The following SDK1 variants were observed in gnomAD, a reference collection of about 807,000 sequenced individuals.
The protein encoded by SDK1 is sidekick cell adhesion molecule 1, also known as protein sidekick-1.
Under a neutral mutation model 245.5 loss-of-function variants are expected in SDK1, and 157 were observed. The observed-to-expected ratio is 0.64, with a 90% confidence interval of 0.56 to 0.73. The LOEUF (loss-of-function observed/expected upper bound fraction) is 0.73, where lower values mean the gene tolerates loss of function less well. Among genes scored for constraint, SDK1 ranks in the 30% least tolerant of loss-of-function variants. SDK1 has a pLI of 0.00. For synonymous variants in SDK1, 1,647 were observed against 1,278.5 expected (o/e 1.29, Z -6.15); for missense variants, 3,583 against 3,002.3 (o/e 1.19, Z -4.52).
At chr7:4,038,999 T>C (rs1562710627) in intron 17 of SDK1, among the ~76,000 whole-genome samples, 2 of 152,206 alleles carry the variant, frequency 1.3e-5, no homozygotes, top group Non-Finnish European at 2.9e-5. Flanking sequence ...GCAACTTTTT[T>C]TACCACTCTA....
At chr7:3,754,662 T>A (rs755185816) in intron 4 of SDK1, among the ~76,000 whole-genome samples, 1 of 140,412 alleles carries the variant, frequency 7.1e-6, no homozygotes. Context: ...CAGCATGACG[T>A]GGTTTCTAAG....
intron 22 of SDK1, among the ~76,000 whole-genome samples, chr7:4,100,568 T>G (rs1782468342): frequency 6.6e-6 from 1 of 152,048 alleles, no homozygotes; most frequent in Non-Finnish European, 1.5e-5. Context: ...ACCAATGCGA[T>G]GAGTGCCCCT....
At chr7:3,413,109 T>C (rs2128578105) in intron 1 of SDK1, among the ~76,000 whole-genome samples, 1 of 152,258 alleles carries the variant, frequency 6.6e-6, no homozygotes. Flanking sequence ...GAAGGCCCCC[T>C]GAGGAAGTGA....
At chr7:4,234,880 A>G (rs999929229) in intron 41 of SDK1, among the ~76,000 whole-genome samples, 2 of 152,184 alleles carry the variant, frequency 1.3e-5, no homozygotes, top group South Asian at 4.1e-4. Flanking sequence ...GGGGCAGCAG[A>G]GCCTCAGCCA....
intron 31 of SDK1, 145 bp from the exon 32 acceptor site, chr7:4,161,641 G>A (rs939231022): frequency 9.0e-6 from 6 of 670,316 alleles, no homozygotes; most frequent in African/African-American, 3.6e-5. Flanking sequence ...GGGAAGCCCC[G>A]AGGAAGGGCA....
intron 4 of SDK1, among the ~76,000 whole-genome samples, chr7:3,815,724 T>C (rs1453185963): frequency 6.6e-6 from 1 of 151,996 alleles, no homozygotes; most frequent in Non-Finnish European, 1.5e-5. Flanking sequence ...GGAATTGAAC[T>C]CAGCTGTGCA....
chr7:3,718,173 C>T (rs1181007494), intron 4 of SDK1, among the ~76,000 whole-genome samples: 1 of 152,070 alleles, frequency 6.6e-6, no homozygotes, highest in East Asian at 1.9e-4. Context: ...ACTTTATGAG[C>T]ATATCCATTG....
intron 22 of SDK1, among the ~76,000 whole-genome samples, chr7:4,080,647 T>G (rs1780996466): frequency 6.6e-6 from 1 of 152,090 alleles, no homozygotes; most frequent in Non-Finnish European, 1.5e-5. Flanking sequence ...GAACAATTAT[T>G]TACTTAGGAA....
rs566755895 is a variant in SDK1, at chr7:3,385,549, C to T, written c.298+83665C>T. Among the ~76,000 whole-genome samples the T allele has an allele frequency of 1.1e-3, 173 of 152,112 alleles. 2 individuals carry two copies. Among genetic ancestry groups the T allele is most frequent in the African/African-American group, 3.9e-3 (163 of 41,448 alleles). On this transcript the variant is annotated intron_variant, in intron 1 of 44. Transcript: ENST00000404826. ...CTTCCTGGATTAGCCTCAGACCCATCGCACCTGCTGGTCTCTCTGCCTGGA... is the reference window on the plus strand; with the variant it reads ...CTTCCTGGATTAGCCTCAGACCCATTGCACCTGCTGGTCTCTCTGCCTGGA...
chr7:3,371,430 C>A (rs942929758), intron 1 of SDK1, among the ~76,000 whole-genome samples: 16 of 151,586 alleles, frequency 1.1e-4, no homozygotes, highest in African/African-American at 3.6e-4. Context: ...ACACAGGTAA[C>A]AAATTTAGGA....
intron 13 of SDK1, among the ~76,000 whole-genome samples, chr7:3,980,298 G>A (rs760016541): frequency 6.6e-6 from 1 of 152,118 alleles, no homozygotes; most frequent in Non-Finnish European, 1.5e-5. Context: ...TTGGGTTTCC[G>A]TTACTGTTGT....
rs1018314144 is a variant in SDK1 at position 4,026,508 on chromosome 7, C to A, written c.2602+9156C>A. Among the ~76,000 whole-genome samples, 1 of 152,214 alleles carries A rather than the reference C, an allele frequency of 6.6e-6. No individual in the cohort carries two copies. Among genetic ancestry groups the A allele is most frequent in the South Asian group, 2.1e-4 (1 of 4,834 alleles). On this transcript the variant is annotated intron_variant, in intron 17 of 44. Transcript: ENST00000404826. This position sits in a 1 kb window ranked among gnomAD's most constrained non-coding sequence, Gnocchi z 4.1. ...TGCCAGGGCCTGCGGGCTCTCCCCA[C>A]GTGCTGTGCCCCCACCCCAGCCCAA...
chr7:4,093,178 C>T (rs973169262), intron 22 of SDK1, among the ~76,000 whole-genome samples: 5 of 151,806 alleles, frequency 3.3e-5, no homozygotes, highest in Non-Finnish European at 7.4e-5. Context: ...TAATTAGTAA[C>T]CTTTGACTGT....
At chr7:3,559,565 A>G (rs1779686022) in intron 1 of SDK1, among the ~76,000 whole-genome samples, 1 of 152,134 alleles carries the variant, frequency 6.6e-6, no homozygotes, top group Non-Finnish European at 1.5e-5. Flanking sequence ...TCATTCATTG[A>G]CGCTCTTTTC....
intron 19 of SDK1, among the ~76,000 whole-genome samples, chr7:4,062,723 T>A (rs1779617464): frequency 6.6e-6 from 1 of 152,134 alleles, no homozygotes; most frequent in Non-Finnish European, 1.5e-5. Context: ...ATTAGCAAAC[T>A]GAATCCAACA....
chr7:3,460,087 T>C (rs555384232), intron 1 of SDK1, among the ~76,000 whole-genome samples: 1 of 152,366 alleles, frequency 6.6e-6, no homozygotes, highest in Non-Finnish European at 1.5e-5. Flanking sequence ...TTCAAAGTGG[T>C]ATAATAAATG....
At chr7:4,017,642 A>G (rs138633027) in intron 17 of SDK1, among the ~76,000 whole-genome samples, 77 of 152,172 alleles carry the variant, frequency 5.1e-4, no homozygotes, top group African/African-American at 1.7e-3. Context: ...GTGGAACTGG[A>G]TTTTTCTAAA....
intron 17 of SDK1, among the ~76,000 whole-genome samples, chr7:4,049,057 G>C (rs150689630): frequency 2.6e-4 from 39 of 152,226 alleles, no homozygotes; most frequent in Middle Eastern, 3.4e-3. Flanking sequence ...AGCTTTGCTT[G>C]CCGTCCGTCT....
At chr7:3,621,429 A>T (rs1309045293) in intron 2 of SDK1, among the ~76,000 whole-genome samples, 1 of 152,206 alleles carries the variant, frequency 6.6e-6, no homozygotes, top group African/African-American at 2.4e-5. Context: ...AGTGCTTTGT[A>T]TGCCCCAGAA....
Sources: allele counts gnomAD v4.1 joint callset (sites outside exome capture counted in the v4.1 genomes callset), GRCh38; gene constraint gnomAD v4.1.1; non-coding constraint Gnocchi (gnomAD v3.1); transcripts MANE v1.5; gene names NCBI Gene and HGNC (gene_info 2026-07-23, HGNC 2026-07-21).